The following GALNT13 variants were observed in gnomAD, a reference collection of about 807,000 sequenced individuals.
GALNT13 encodes the protein UDP-GalNAc:polypeptide N-acetylgalactosaminyltransferase 13.
GALNT13 carries 28 observed loss-of-function variants against 64.2 expected under a neutral mutation model. The ratio of observed to expected loss-of-function variants is 0.44; its 90% CI spans 0.32 to 0.60. GALNT13 has a LOEUF of 0.60. Ranked by LOEUF, GALNT13 falls within the 20% of genes least tolerant of loss-of-function variation. The pLI is 0.05. For missense variants in GALNT13, 577 were observed against 669.8 expected, an observed-to-expected ratio of 0.86 and a Z score of 1.53; for synonymous variants, 214 against 224.6, an observed-to-expected ratio of 0.95 and a Z score of 0.42.
chr2:154,259,763 T>A (rs1264802957), intron 8 of GALNT13, among the ~76,000 whole-genome samples: 1 of 152,206 alleles, frequency 6.6e-6, no homozygotes, highest in Non-Finnish European at 1.5e-5. Flanking sequence ...AATGAACACA[T>A]AAGTTTTCTT....
At chr2:154,243,131 G>A (rs898503578) in intron 6 of GALNT13, among the ~76,000 whole-genome samples, 6 of 152,128 alleles carry the variant, frequency 3.9e-5, no homozygotes, top group Non-Finnish European at 7.4e-5. Flanking sequence ...TAATAAAAAC[G>A]TGTTAAATTA....
At chr2:153,873,456 A>G (rs549300637) in intron 1 of GALNT13, among the ~76,000 whole-genome samples, 4 of 152,276 alleles carry the variant, frequency 2.6e-5, no homozygotes, top group Admixed American at 6.5e-5. Context: ...CTGCCTCCCC[A>G]ACCTTTATAG....
chr2:153,957,249 A>G (rs1692623348), intron 3 of GALNT13, among the ~76,000 whole-genome samples: 1 of 152,182 alleles, frequency 6.6e-6, no homozygotes, highest in Admixed American at 6.5e-5. Flanking sequence ...TGTTTGCCTC[A>G]ATAGGTTTGA....
the GALNT13 span, among the ~76,000 whole-genome samples, chr2:153,205,935 A>C: frequency 6.6e-6 from 1 of 152,132 alleles, no homozygotes; most frequent in African/African-American, 2.4e-5. Context: ...CTTTTCTACT[A>C]TCTAATCAAA....
At chr2:153,661,461 A>T in the GALNT13 span, among the ~76,000 whole-genome samples, 3 of 152,192 alleles carry the variant, frequency 2.0e-5, no homozygotes, top group African/African-American at 7.2e-5. Flanking sequence ...AAGTTTAATG[A>T]ATCTTTTTTC....
the GALNT13 span, among the ~76,000 whole-genome samples, chr2:153,726,268 A>G: frequency 8.5e-4 from 129 of 152,312 alleles, 1 homozygote; most frequent in Middle Eastern, 3.4e-3. Flanking sequence ...TTTAATTTGA[A>G]TGATTGACTG....
chr2:153,448,215 C>T, the GALNT13 span, among the ~76,000 whole-genome samples: 1 of 151,974 alleles, frequency 6.6e-6, no homozygotes, highest in East Asian at 1.9e-4. Flanking sequence ...TTTATTTTTT[C>T]GTTGTATGTA....
rs115579319 is a variant in GALNT13 at position 154,420,406 on chromosome 2, T to A, written c.1395+11324T>A. 2.1e-3 allele frequency among the ~76,000 whole-genome samples: 314 copies of A among 152,270 alleles called. 3 individuals carry two copies. The highest frequency in any genetic ancestry group is 6.9e-3 in the African/African-American group (286 of 41,568). ...TCCAGCAGAACTTATTACTCCTGTG[T>A]ACTCTTTAATCTTCTGACCCTCATT... On this transcript the variant is annotated intron_variant, in intron 11 of 12. Transcript: ENST00000392825.
chr2:153,814,927 C>T, the GALNT13 span, among the ~76,000 whole-genome samples: 1 of 152,182 alleles, frequency 6.6e-6, no homozygotes, highest in African/African-American at 2.4e-5. Context: ...CAATGCTCTT[C>T]ATGTCATGTT....
At chr2:153,634,542 C>CTTT in the GALNT13 span, among the ~76,000 whole-genome samples, 266 of 91,236 alleles carry the variant, frequency 2.9e-3, 5 homozygotes, top group Non-Finnish European at 3.8e-3. Context: ...AGATGGAAAT[C>CTTT]TTTTTTTTTT....
chr2:153,598,587 C>T, the GALNT13 span, among the ~76,000 whole-genome samples: 2 of 152,160 alleles, frequency 1.3e-5, no homozygotes, highest in African/African-American at 4.8e-5. Context: ...ATTTTGTCTG[C>T]CTCATCCACT....
the GALNT13 span, among the ~76,000 whole-genome samples, chr2:153,296,450 A>G: frequency 6.6e-6 from 1 of 152,188 alleles, no homozygotes; most frequent in Non-Finnish European, 1.5e-5. Context: ...AGTGTTTCAA[A>G]TATTCATAAA....
At chr2:153,086,924 G>C in the GALNT13 span, among the ~76,000 whole-genome samples, 1 of 152,028 alleles carries the variant, frequency 6.6e-6, no homozygotes, top group Non-Finnish European at 1.5e-5. Flanking sequence ...CATACCATCA[G>C]CGAACAGTGA....
chr2:153,865,530 C>T, the GALNT13 span, among the ~76,000 whole-genome samples: 1 of 107,294 alleles, frequency 9.3e-6, no homozygotes, highest in Non-Finnish European at 1.9e-5. Context: ...CAAAAGAAGA[C>T]ATTTATGCAG....
At chr2:153,750,859 T>C in the GALNT13 span, among the ~76,000 whole-genome samples, 3 of 151,848 alleles carry the variant, frequency 2.0e-5, no homozygotes, top group African/African-American at 7.2e-5. Context: ...AATTTTGGGT[T>C]TGGTTTGCTC....
At chr2:154,196,917 G>T (rs1573856867) in intron 4 of GALNT13, among the ~76,000 whole-genome samples, 1 of 152,136 alleles carries the variant, frequency 6.6e-6, no homozygotes, top group Non-Finnish European at 1.5e-5. Context: ...TTCTAATCTT[G>T]ATTGGTTTTT....
the GALNT13 span, among the ~76,000 whole-genome samples, chr2:153,665,406 AG>A: frequency 6.6e-6 from 1 of 152,200 alleles, no homozygotes; most frequent in African/African-American, 2.4e-5. Flanking sequence ...AGCAGAAACA[AG>A]AGTCTGCAAT....
chr2:153,495,029 T>C, the GALNT13 span, among the ~76,000 whole-genome samples: 1 of 152,144 alleles, frequency 6.6e-6, no homozygotes, highest in African/African-American at 2.4e-5. Flanking sequence ...TAATACTACA[T>C]AGACTAGTTA....
chr2:153,783,393 T>C, the GALNT13 span, among the ~76,000 whole-genome samples: 1 of 143,468 alleles, frequency 7.0e-6, no homozygotes, highest in South Asian at 2.2e-4. Context: ...GAGATTTCTG[T>C]TTTTGTTTTT....
Sources: gnomAD v4.1 joint callset for allele counts (sites outside exome capture counted in the v4.1 genomes callset) on GRCh38, gnomAD v4.1.1 for gene constraint, MANE v1.5 for transcripts, NCBI Gene and HGNC (gene_info 2026-07-23, HGNC 2026-07-21) for gene names.